The following IGF2R variants were observed in gnomAD, a reference collection of about 807,000 sequenced individuals.
The protein encoded by IGF2R is cation-independent mannose-6-phosphate receptor.
A neutral mutation model predicts 270.6 loss-of-function variants in IGF2R; 91 were observed. The ratio of observed to expected loss-of-function variants is 0.34; its 90% confidence interval spans 0.28 to 0.40. The LOEUF (loss-of-function observed/expected upper bound fraction) is 0.40, where lower values mean the gene tolerates loss of function less well. IGF2R is among the 10% of genes least tolerant of loss of function. The pLI, the probability that IGF2R is intolerant of heterozygous loss-of-function variation, is 1.00. For synonymous variants in IGF2R, 1,316 were observed against 1,258.9 expected (o/e 1.05, Z -0.96); for missense variants, 2,805 against 3,188.3 (o/e 0.88, Z 2.90).
chr6:160,025,558 TTTAAA>T (rs1254721207), intron 5 of IGF2R, among the ~76,000 whole-genome samples: 2 of 152,224 alleles, frequency 1.3e-5, no homozygotes, highest in African/African-American at 4.8e-5. Flanking sequence ...ATGATTATTC[TTTAAA>T]TTATATATAT....
intron 1 of IGF2R, among the ~76,000 whole-genome samples, chr6:159,987,617 C>T (rs1783908219): frequency 6.6e-6 from 1 of 152,214 alleles, no homozygotes; most frequent in Non-Finnish European, 1.5e-5. Context: ...ATCTTGATCT[C>T]CTGACCTCGT....
intron 27 of IGF2R, among the ~76,000 whole-genome samples, 173 bp from the exon 28 acceptor site, chr6:160,064,228 A>T (rs1778505731): frequency 1.3e-5 from 2 of 152,194 alleles, no homozygotes; most frequent in South Asian, 4.1e-4. Context: ...GACAAGGGGA[A>T]GCCTGATTTT....
At chr6:160,090,586 T>A (rs1200482529) in intron 44 of IGF2R, among the ~76,000 whole-genome samples, 1 of 152,254 alleles carries the variant, frequency 6.6e-6, no homozygotes, top group Non-Finnish European at 1.5e-5. Flanking sequence ...AGGAAGGTTT[T>A]AAACTGGCAC....
chr6:160,016,277 C>T (rs942057821), intron 4 of IGF2R, among the ~76,000 whole-genome samples: 1 of 152,134 alleles, frequency 6.6e-6, no homozygotes, highest in Admixed American at 6.5e-5. Context: ...CGCCTCTGTC[C>T]CTCCCCAGAA....
intron 1 of IGF2R, among the ~76,000 whole-genome samples, chr6:159,970,445 T>TG (rs8191694): frequency 0.027 from 4,135 of 151,730 alleles, 132 homozygotes; most frequent in African/African-American, 0.075. Flanking sequence ...GTAGGGTTTA[T>TG]GGGGGGGGTT....
intron 30 of IGF2R, among the ~76,000 whole-genome samples, chr6:160,068,919 G>A (rs535477767): frequency 2.0e-5 from 3 of 152,162 alleles, no homozygotes; most frequent in Admixed American, 6.5e-5. Flanking sequence ...CCCTAGTATG[G>A]CCCAGGGTAA....
At chr6:160,089,279 C>T (rs1301309532) in intron 43 of IGF2R, 26 bp downstream of exon 43, 1 of 1,584,778 alleles carries the variant, frequency 6.3e-7, no homozygotes, top group East Asian at 2.3e-5. Context: ...TCCTTCTGAG[C>T]TGTGAAATGT....
chr6:160,024,731 G>A, intron 5 of IGF2R, 27 bp downstream of exon 5: 2 of 1,610,456 alleles, frequency 1.2e-6, no homozygotes, highest in South Asian at 2.2e-5. Flanking sequence ...GGCTGAGGGG[G>A]TGGTGGTGAG....
chr6:160,061,466 G>A (rs906171695), intron 23 of IGF2R, 37 bp from the exon 24 acceptor site: 2 of 1,607,584 alleles, frequency 1.2e-6, no homozygotes, highest in Non-Finnish European at 1.7e-6. Context: ...TCACAAGGAG[G>A]CAGAGTTCTC....
In IGF2R at chr6:160,004,633, C is replaced by T. The variant is rs1784183863; in HGVS notation, c.290-4377C>T. 3 of 153,828 alleles carry T rather than the reference C, an allele frequency of 2.0e-5. No homozygotes were observed. Among genetic ancestry groups the T allele is most frequent in the Admixed American group, 6.6e-5 (1 of 15,252 alleles). The allele number at this position is 153,828 out of a possible 1,614,324, so 9.5% of individuals were successfully genotyped here. On this transcript the variant is annotated intron_variant, in intron 2 of 47. Transcript: ENST00000356956. This position sits in a 1 kb window ranked among gnomAD's most constrained non-coding sequence, Gnocchi z 5.2. ...CGAGGTCCCTGCGGATTCTGGAGAA[C>T]CTCAAGGTGCGGCCCCGGGGGTGTG...
intron 44 of IGF2R, 172 bp from the exon 45 acceptor site, chr6:160,096,267 T>C: frequency 1.7e-6 from 1 of 589,290 alleles, no homozygotes; most frequent in Non-Finnish European, 3.0e-6. Context: ...GCTCTATCCA[T>C]GTGCATCGAG....
At chr6:160,089,310 T>C in intron 43 of IGF2R, 57 bp downstream of exon 43, 1 of 1,497,730 alleles carries the variant, frequency 6.7e-7, no homozygotes. Flanking sequence ...AAACCAGCAA[T>C]GCCGCTCTTT....
At position 160,087,696 on chromosome 6, in the gene IGF2R, T is replaced by G. The variant is rs139536897; in HGVS notation, c.6206-337T>G. Among the ~76,000 whole-genome samples the G allele has an allele frequency of 4.0e-3, 608 of 152,248 alleles. 3 individuals are homozygous for G. Among genetic ancestry groups the G allele is most frequent in the African/African-American group, 0.013 (525 of 41,538 alleles). On this transcript the variant is annotated intron_variant, in intron 41 of 47. Transcript: ENST00000356956. ...TTTTGTTTTTGTTTTTGAGATGGAG[T>G]TTTGCTCTTGTTGCCCAGGCTGGAG... is the stretch of plus-strand genomic sequence containing the variant.
rs985169873 is a variant in IGF2R, at chr6:160,102,464, C to G, written c.6843-55C>G. The stretch of plus-strand genomic sequence containing the variant: ...TGGGGACTCAGGTCTCAGGTTGTGG[C>G]TGTGGCAGCAGGACCACCCTGTGAC... On this transcript the variant is annotated intron_variant, in intron 45 of 47. Transcript: ENST00000356956. The surrounding 1 kb of genome is among the most constrained non-coding windows in gnomAD (Gnocchi z 4.5). The G allele has an allele frequency of 4.4e-6, 7 of 1,578,818 alleles. No individual in the cohort carries two copies. The highest frequency in any genetic ancestry group is 5.2e-6 in the Non-Finnish European group (6 of 1,157,078).
At chr6:160,028,605 C>T (rs1777617341) in intron 6 of IGF2R, among the ~76,000 whole-genome samples, 1 of 152,190 alleles carries the variant, frequency 6.6e-6, no homozygotes. Flanking sequence ...GGCACTGGGC[C>T]CTTTCCACAC....
intron 42 of IGF2R, among the ~76,000 whole-genome samples, 198 bp downstream of exon 42, chr6:160,088,345 G>C (rs1015860433): frequency 8.5e-5 from 13 of 152,238 alleles, no homozygotes; most frequent in African/African-American, 2.7e-4. Flanking sequence ...TACAAGACCA[G>C]TGCAACTTCT....
chr6:160,104,628 G>A, intron 47 of IGF2R, 46 bp from the exon 48 acceptor site: 1 of 1,567,888 alleles, frequency 6.4e-7, no homozygotes, highest in South Asian at 1.2e-5. Context: ...AGCAGAATGG[G>A]GTCTCTTAGG....
intron 4 of IGF2R, among the ~76,000 whole-genome samples, chr6:160,019,126 A>C (rs1304495904): frequency 2.0e-5 from 3 of 152,156 alleles, no homozygotes; most frequent in African/African-American, 7.2e-5. Flanking sequence ...AGCTGATACC[A>C]CAAAAAAGAT....
At chr6:160,023,366 A>C (rs1777479379) in intron 4 of IGF2R, among the ~76,000 whole-genome samples, 1 of 152,122 alleles carries the variant, frequency 6.6e-6, no homozygotes, top group Non-Finnish European at 1.5e-5. Context: ...TGTTGAGATG[A>C]GGAACACTGG....
Sources: allele counts gnomAD v4.1 joint callset (sites outside exome capture counted in the v4.1 genomes callset), GRCh38; gene constraint gnomAD v4.1.1; non-coding constraint Gnocchi (gnomAD v3.1); transcripts MANE v1.5; gene names NCBI Gene and HGNC (gene_info 2026-07-23, HGNC 2026-07-21).